The following LRRTM4 variants were observed in gnomAD, a reference collection of about 807,000 sequenced individuals.
The protein encoded by LRRTM4 is leucine-rich repeat transmembrane neuronal protein 4.
LRRTM4 carries 25 observed loss-of-function variants against 47.6 expected under a neutral mutation model. That is an observed-to-expected ratio of 0.53 (90% CI 0.38 to 0.73). The LOEUF is 0.73. Ranked by LOEUF, LRRTM4 falls within the 30% of genes least tolerant of loss-of-function variation. The probability of loss-of-function intolerance (pLI) is 0.00; values close to 1 mark genes in which losing one functional copy is unlikely to be tolerated. For synonymous variants in LRRTM4, 311 were observed against 269.5 expected, an observed-to-expected ratio of 1.15 and a Z score of -1.51; for missense variants, 638 against 713.4, an observed-to-expected ratio of 0.89 and a Z score of 1.20.
intron 3 of LRRTM4, among the ~76,000 whole-genome samples, chr2:77,268,432 C>G (rs894476937): frequency 6.6e-6 from 1 of 151,992 alleles, no homozygotes; most frequent in Non-Finnish European, 1.5e-5. Flanking sequence ...CTGAATATCC[C>G]CTGTGTCTCT....
At chr2:77,042,115 C>T (rs1387937621) in intron 3 of LRRTM4, among the ~76,000 whole-genome samples, 1 of 151,152 alleles carries the variant, frequency 6.6e-6, no homozygotes, top group African/African-American at 2.4e-5. Context: ...CTGAATAAGG[C>T]CTATGGTTTT....
At chr2:77,259,525 C>T (rs1038191023) in intron 3 of LRRTM4, among the ~76,000 whole-genome samples, 2 of 151,952 alleles carry the variant, frequency 1.3e-5, no homozygotes, top group Admixed American at 6.6e-5. Context: ...TACTCACTTT[C>T]GTGGGAAATC....
At chr2:76,921,541 G>A (rs538681930) in intron 3 of LRRTM4, among the ~76,000 whole-genome samples, 1 of 151,932 alleles carries the variant, frequency 6.6e-6, no homozygotes, top group Non-Finnish European at 1.5e-5. Context: ...TAATATAGCA[G>A]GTAGTACCTA....
chr2:76,805,115 C>A (rs1220762322), intron 3 of LRRTM4, among the ~76,000 whole-genome samples: 1 of 152,092 alleles, frequency 6.6e-6, no homozygotes, highest in African/African-American at 2.4e-5. Context: ...ATTGAAGCCT[C>A]ATGGAGACAG....
At chr2:77,299,991 A>G (rs1385614739) in intron 3 of LRRTM4, among the ~76,000 whole-genome samples, 1 of 151,698 alleles carries the variant, frequency 6.6e-6, no homozygotes, top group Non-Finnish European at 1.5e-5. Flanking sequence ...AACTGGGACT[A>G]CAGGCATGCG....
chr2:77,066,087 A>G (rs1330404319), intron 3 of LRRTM4, among the ~76,000 whole-genome samples: 2 of 152,206 alleles, frequency 1.3e-5, no homozygotes, highest in African/African-American at 4.8e-5. Context: ...AACTTTTTCT[A>G]TGGATTTTAC....
chr2:77,221,356 T>C (rs1449461041), intron 3 of LRRTM4, among the ~76,000 whole-genome samples: 2 of 152,074 alleles, frequency 1.3e-5, no homozygotes, highest in African/African-American at 2.4e-5. Context: ...CACATAACAA[T>C]ACTAACCTTA....
intron 3 of LRRTM4, among the ~76,000 whole-genome samples, chr2:76,847,169 G>C (rs1671860081): frequency 6.6e-6 from 1 of 152,110 alleles, no homozygotes; most frequent in Non-Finnish European, 1.5e-5. Flanking sequence ...AAGCTCGTAA[G>C]TTTTGTGAAA....
chr2:76,956,944 A>C (rs1480362837), intron 3 of LRRTM4, among the ~76,000 whole-genome samples: 1 of 151,640 alleles, frequency 6.6e-6, no homozygotes, highest in East Asian at 1.9e-4. Flanking sequence ...AAGTGATCAA[A>C]AACTTCCCAA....
At position 77,051,310 on chromosome 2, in the gene LRRTM4, G is replaced by A. The variant is rs972757040; in HGVS notation, c.1552-302394C>T. On this transcript the variant is annotated intron_variant, in intron 3 of 3. Coordinates refer to ENST00000409884, the MANE Select transcript of LRRTM4 (RefSeq NM_001134745.3). The stretch of plus-strand genomic sequence containing the variant: ...TACCATGAGAAACTAAAGAATTACT[G>A]TTAGGAGAGTGGGATAAAAGATAAT... 3.3e-5 allele frequency among the ~76,000 whole-genome samples: 5 copies of A among 152,238 alleles called. No homozygotes were observed. The East Asian group carries it at 9.7e-4, about 29-fold the overall frequency.
intron 3 of LRRTM4, among the ~76,000 whole-genome samples, chr2:77,366,504 G>A (rs1316268270): frequency 6.6e-6 from 1 of 151,778 alleles, no homozygotes; most frequent in African/African-American, 2.4e-5. Context: ...GTAAGCAAAT[G>A]ACTCACAGAT....
rs115829485 is a variant in LRRTM4 at position 77,383,384 on chromosome 2, G to A, written c.1551+134934C>T. Among the ~76,000 whole-genome samples the A allele has an allele frequency of 8.1e-3, 1,225 of 151,806 alleles. 6 individuals carry two copies. The highest frequency in any genetic ancestry group is 0.013 in the Non-Finnish European group (869 of 67,902). On this transcript the variant is annotated intron_variant, in intron 3 of 3. Coordinates refer to ENST00000409884, the MANE Select transcript of LRRTM4 (RefSeq NM_001134745.3). Reference sequence around the variant, plus strand: ...ACAATTGTTTTGGATCTAAATATCCGGATGATCTTTCTTCTACTAAGGCCT... The same window carrying A: ...ACAATTGTTTTGGATCTAAATATCCAGATGATCTTTCTTCTACTAAGGCCT...
intron 3 of LRRTM4, among the ~76,000 whole-genome samples, chr2:77,148,271 C>T (rs1401604951): frequency 6.6e-6 from 1 of 152,014 alleles, no homozygotes; most frequent in Non-Finnish European, 1.5e-5. Flanking sequence ...GGGTGTCTTG[C>T]AAAAGGGGAA....
chr2:77,301,325 G>A (rs1034843244), intron 3 of LRRTM4, among the ~76,000 whole-genome samples: 1 of 151,914 alleles, frequency 6.6e-6, no homozygotes, highest in African/African-American at 2.4e-5. Context: ...CAACACCATA[G>A]TTGATAAAAC....
At chr2:77,290,288 A>T (rs1676785429) in intron 3 of LRRTM4, among the ~76,000 whole-genome samples, 1 of 152,024 alleles carries the variant, frequency 6.6e-6, no homozygotes, top group Admixed American at 6.6e-5. Context: ...CATTGCCTTC[A>T]AAGTGGAAGT....
intron 3 of LRRTM4, among the ~76,000 whole-genome samples, chr2:76,884,527 T>A (rs1300291987): frequency 6.6e-6 from 1 of 152,100 alleles, no homozygotes; most frequent in Non-Finnish European, 1.5e-5. Context: ...CATAAACCCA[T>A]GCAAAAAATT....
intron 3 of LRRTM4, among the ~76,000 whole-genome samples, chr2:76,974,865 A>G (rs1373562107): frequency 4.0e-5 from 6 of 151,742 alleles, no homozygotes; most frequent in African/African-American, 1.2e-4. Context: ...AGGAAATCAC[A>G]TGGAGAAATA....
chr2:77,517,228 T>C, intron 3 of LRRTM4: 2 of 984,952 alleles, frequency 2.0e-6, no homozygotes, highest in Non-Finnish European at 2.4e-6. Context: ...TCTTTTAAAT[T>C]AAATAATCAG....
intron 3 of LRRTM4, among the ~76,000 whole-genome samples, chr2:77,514,272 G>C (rs1317342504): frequency 6.6e-6 from 1 of 151,988 alleles, no homozygotes; most frequent in Non-Finnish European, 1.5e-5. Flanking sequence ...GCTTTCCTTA[G>C]AGTCCTCTTT....
Sources: allele counts gnomAD v4.1 joint callset (sites outside exome capture counted in the v4.1 genomes callset), GRCh38; gene constraint gnomAD v4.1.1; transcripts MANE v1.5; gene names NCBI Gene and HGNC (gene_info 2026-07-23, HGNC 2026-07-21).